CYP3A5: variants seen among roughly 807,000 people sequenced by gnomAD.
CYP3A5 encodes the protein cytochrome P450 family 3 subfamily A member 5, also known as cytochrome P450 3A5.
Under a neutral mutation model 55.9 loss-of-function variants are expected in CYP3A5, and 51 were observed. That is an observed-to-expected ratio of 0.91 (90% CI 0.73 to 1.15). The LOEUF (loss-of-function observed/expected upper bound fraction) is 1.15, where lower values mean the gene tolerates loss of function less well. Ranked by LOEUF, CYP3A5 falls within the 50% of genes most tolerant of loss-of-function variation. The pLI is 0.00. For missense variants in CYP3A5, 533 were observed against 596.6 expected (o/e 0.89, Z 1.11); for synonymous variants, 196 against 213.9 (o/e 0.92, Z 0.73).
In CYP3A5 at chr7:99,666,553, G is replaced by A. The variant is rs376291375; in HGVS notation, c.521+48C>T. 21 of 1,586,810 alleles carry A rather than the reference G, an allele frequency of 1.3e-5. No individual in the cohort carries two copies. In the African/African-American group the frequency reaches 2.0e-4, roughly 15 times the overall value. On this transcript the variant is annotated intron_variant, in intron 6 of 12. Transcript: ENST00000222982. ...ACTGTCGACTCCATGGCAGGCAGCTGGAAGGGCTCATGACAGCTCAGAACC... is the reference window on the plus strand; with the variant it reads ...ACTGTCGACTCCATGGCAGGCAGCTAGAAGGGCTCATGACAGCTCAGAACC...
intron 4 of CYP3A5, chr7:99,671,727 C>T: frequency 2.9e-6 from 2 of 679,106 alleles, no homozygotes; most frequent in East Asian, 2.7e-5. Context: ...AATATTAATA[C>T]ATTGGCCTCC....
chr7:99,663,506 A>C (rs2151413582), intron 8 of CYP3A5: 1 of 990,354 alleles, frequency 1.0e-6, no homozygotes, highest in African/African-American at 1.7e-5. Flanking sequence ...GCTGTGAAAC[A>C]CTCACATTTA....
chr7:99,664,026 T>A lies in CYP3A5; in HGVS notation c.740A>T (p.Asn247Ile). ...NVSLFPKDTI[N>I]FLSKSVNRMK... Reference sequence around the variant, plus strand: ...TCTGTTTACAGATTTACTTAAAAAATTTATGGTATCTTTTGGAAACAGAGA... The same window carrying A: ...TCTGTTTACAGATTTACTTAAAAAAATTATGGTATCTTTTGGAAACAGAGA... The change falls in exon 8 of 13, where the codon AAT becomes ATT. Residue 247 changes from asparagine to isoleucine, a missense_variant. Asn to Ile is a moderately radical substitution (Grantham distance 149). Coordinates refer to ENST00000222982, the MANE Select transcript of CYP3A5 (RefSeq NM_000777.5). 6.2e-7 allele frequency: 1 copy of A among 1,601,862 alleles called. No individual in the cohort carries two copies. Among genetic ancestry groups the A allele is most frequent in the Non-Finnish European group, 8.5e-7 (1 of 1,177,394 alleles).
intron 1 of CYP3A5, among the ~76,000 whole-genome samples, chr7:99,677,864 A>G (rs1163922540): frequency 6.6e-6 from 1 of 152,154 alleles, no homozygotes; most frequent in Non-Finnish European, 1.5e-5. Context: ...AGGACAAGCT[A>G]TTGAGTTAAT....
In CYP3A5 at chr7:99,660,545, A is replaced by T. The variant is rs1810326588; in HGVS notation, c.980T>A (p.Val327Asp). The T allele has an allele frequency of 6.2e-7, 1 of 1,613,812 alleles. No individual in the cohort carries two copies. Among genetic ancestry groups the T allele is most frequent in the African/African-American group, 1.3e-5 (1 of 74,984 alleles). ...AATCTCCTTTTGCAGTTTCTGCTGG[A>T]CATCAGGGTGAGTGGCCAGTTCATA... ...TLYELATHPD[V>D]QQKLQKEIDA... Residue 327 changes from valine (V) to aspartate (D), a missense_variant, in exon 10 of 13, where the codon GTC becomes GAC. Transcript: ENST00000222982.
Position 99,667,045 on chromosome 7 carries a change from A to G in CYP3A5, c.339T>C (p.Phe113=), listed in dbSNP as rs572777070. 8.1e-5 allele frequency: 130 copies of G among 1,614,092 alleles called. No homozygotes were observed. The highest frequency in any genetic ancestry group is 6.6e-4 in the Middle Eastern group (4 of 6,062). The change falls in exon 5 of 13, where the codon TTT becomes TTC. Residue 113 remains phenylalanine, a synonymous_variant. Coordinates refer to ENST00000222982, the MANE Select transcript of CYP3A5 (RefSeq NM_000777.5). The part of the protein sequence containing the change: ...TNRRSLGPVG[F]MKSAISLAED... The stretch of plus-strand genomic sequence containing the variant: ...CAGCTAAAGAGATGGCACTTTTCAT[A>G]AATCCCACTGGGCCTAAAGACTAGA...
intron 11 of CYP3A5, 138 bp from the exon 12 acceptor site, chr7:99,650,370 T>C: frequency 1.3e-6 from 1 of 753,540 alleles, no homozygotes; most frequent in Non-Finnish European, 2.2e-6. Flanking sequence ...GGCTGGTCAT[T>C]GAAATCCTGC....
intron 4 of CYP3A5, chr7:99,671,861 G>A: frequency 1.4e-6 from 1 of 702,958 alleles, no homozygotes; most frequent in South Asian, 1.5e-5. Context: ...TCTTGATGGT[G>A]CTGGTCGTTG....
chr7:99,659,857 C>T (rs1488990563), intron 10 of CYP3A5: 1 of 152,696 alleles, frequency 6.5e-6, no homozygotes, highest in African/African-American at 2.4e-5. Context: ...GCTCCATGGG[C>T]GTAGGACCCT....
chr7:99,662,763 G>A lies in CYP3A5; in HGVS notation c.865+53C>T. The A allele has an allele frequency of 1.3e-6, 2 of 1,516,066 alleles. No individual in the cohort carries two copies. Among genetic ancestry groups the A allele is most frequent in the East Asian group, 2.3e-5 (1 of 44,264 alleles). The allele number at this position is 1,516,066 out of a possible 1,614,324, so 93.9% of individuals were successfully genotyped here. ...ACTTCCTGCACATTTTCAGAACAAG[G>A]CCCTCCCTCTTAGTGTCCCCGCCAG... On this transcript the variant is annotated intron_variant, in intron 9 of 12. Coordinates refer to ENST00000222982, the MANE Select transcript of CYP3A5 (RefSeq NM_000777.5). This position sits in a 1 kb window ranked among gnomAD's most constrained non-coding sequence, Gnocchi z 4.3.
intron 10 of CYP3A5, 86 bp from the exon 11 acceptor site, chr7:99,652,865 A>C (rs1281481898): frequency 2.1e-6 from 2 of 961,462 alleles, no homozygotes; most frequent in African/African-American, 3.3e-5. Flanking sequence ...AAGTATTAGA[A>C]GCTCCAGAGA....
intron 9 of CYP3A5, 87 bp from the exon 10 acceptor site, chr7:99,660,746 C>T (rs1810354743): frequency 2.0e-6 from 3 of 1,490,068 alleles, no homozygotes; most frequent in African/African-American, 1.4e-5. Context: ...GCTCTCTAAT[C>T]CCAAGAAGAA....
intron 3 of CYP3A5, chr7:99,674,253 T>A (rs533796793): frequency 3.4e-4 from 102 of 297,454 alleles, no homozygotes; most frequent in Non-Finnish European, 5.6e-4. Context: ...CTAACAATAA[T>A]TATCTCAAAA....
chr7:99,671,844 G>T, intron 4 of CYP3A5: 1 of 702,938 alleles, frequency 1.4e-6, no homozygotes, highest in South Asian at 1.5e-5. Context: ...GACGGAATGG[G>T]TCTGCATCTT....
rs149094771 is a variant in CYP3A5, at chr7:99,652,381, G to GT, written c.1253+171dup. 1.8e-3 allele frequency: 904 copies of GT among 512,558 alleles called. 4 individuals are homozygous for GT. Among genetic ancestry groups the GT allele is most frequent in the African/African-American group, 0.015 (809 of 52,194 alleles). 31.8% of individuals were successfully genotyped at this position (512,558 alleles called of 1,614,324 possible). ...TGGGACTGTGGATGGATGTAGTTTC[G>GT]TTTTTTCTAGTCTGTGGTTTGTAAA... On this transcript the variant is annotated intron_variant, in intron 11 of 12. Transcript: ENST00000222982.
intron 12 of CYP3A5, among the ~76,000 whole-genome samples, chr7:99,649,575 G>A (rs1028737585): frequency 4.6e-5 from 7 of 152,114 alleles, no homozygotes; most frequent in African/African-American, 1.7e-4. Context: ...GGGTTCACCC[G>A]ACAGCATGAC....
intron 10 of CYP3A5, 56 bp downstream of exon 10, chr7:99,660,443 G>A: frequency 6.5e-7 from 1 of 1,527,972 alleles, no homozygotes; most frequent in Non-Finnish European, 8.8e-7. Context: ...GTGGTGAGGA[G>A]GCATTTTTGC....
At chr7:99,665,453 C>T in intron 6 of CYP3A5, 139 bp from the exon 7 acceptor site, 1 of 1,258,984 alleles carries the variant, frequency 7.9e-7, no homozygotes, top group South Asian at 1.3e-5. Flanking sequence ...GAATCATCTT[C>T]CATCTACTCC....
rs1273111725 is a variant in CYP3A5, at chr7:99,648,383, G to A, written c.1431C>T (p.Asp477=). The A allele has an allele frequency of 6.2e-7, 1 of 1,604,414 alleles. No individual in the cohort carries two copies. The highest frequency in any genetic ancestry group is 8.5e-7 in the Non-Finnish European group (1 of 1,173,758). Residue 477 remains aspartate (D), a synonymous_variant, in exon 13 of 13, where the codon GAC becomes GAT. Transcript: ENST00000222982. The stretch of plus-strand genomic sequence containing the variant: ...TTTCTGGTTGAAGAAGTCCTTGCGT[G>A]TCTAATTTCAAGGGGATCTACAATA... The part of the protein sequence containing the change: ...CKETQIPLKL[D]TQGLLQPEKP...
Sources: allele counts gnomAD v4.1 joint callset (sites outside exome capture counted in the v4.1 genomes callset), GRCh38; gene constraint gnomAD v4.1.1; non-coding constraint Gnocchi (gnomAD v3.1); transcripts MANE v1.5; gene names NCBI Gene and HGNC (gene_info 2026-07-23, HGNC 2026-07-21).